Variants in AQP7B observed in about 807,000 individuals in gnomAD.
AQP7B encodes the protein aquaporin 7B, also known as putative aquaporin-7B.
chr2:94,597,892 A>G, the AQP7B span, among the ~76,000 whole-genome samples: 4 of 152,150 alleles, frequency 2.6e-5, no homozygotes, highest in Non-Finnish European at 4.4e-5. Context: ...GGCATGAGTC[A>G]CCGTGCCCAG....
the AQP7B span, among the ~76,000 whole-genome samples, chr2:94,599,462 G>T: frequency 1.3e-5 from 2 of 151,570 alleles, no homozygotes; most frequent in Admixed American, 6.6e-5. Context: ...TTTTAAATCA[G>T]CAAATGGCTT....
the AQP7B span, among the ~76,000 whole-genome samples, chr2:94,598,768 A>T: frequency 2.0e-5 from 3 of 152,160 alleles, no homozygotes; most frequent in Non-Finnish European, 4.4e-5. Flanking sequence ...TGACACAGGG[A>T]ATCATGTGGG....
At chr2:94,590,549 G>T in the AQP7B span, among the ~76,000 whole-genome samples, 1 of 152,102 alleles carries the variant, frequency 6.6e-6, no homozygotes, top group Non-Finnish European at 1.5e-5. Context: ...CTCGTGGTTA[G>T]TTGGATAGTT....
chr2:94,599,794 G>A, the AQP7B span, among the ~76,000 whole-genome samples: 1 of 152,066 alleles, frequency 6.6e-6, no homozygotes, highest in Non-Finnish European at 1.5e-5. Context: ...GCCCCTTCAC[G>A]GGATCATGTT....
chr2:94,600,876 CAAA>C, the AQP7B span, among the ~76,000 whole-genome samples: 187 of 84,602 alleles, frequency 2.2e-3, 1 homozygote, highest in African/African-American at 6.5e-3. Flanking sequence ...AAGACTGTCT[CAAA>C]AAAAAAAAAA....
At chr2:94,602,451 G>C in the AQP7B span, 1 of 1,579,662 alleles carries the variant, frequency 6.3e-7, no homozygotes, top group South Asian at 1.1e-5. Flanking sequence ...TGAGGTTGGG[G>C]CTTCTGGGCA....
the AQP7B span, chr2:94,602,905 T>C: frequency 1.8e-5 from 20 of 1,125,700 alleles, no homozygotes; most frequent in South Asian, 3.2e-4. Context: ...ACGGGGTGGT[T>C]GTGAGGGCTC....
chr2:94,602,741 G>A, the AQP7B span: 2 of 1,050,066 alleles, frequency 1.9e-6, no homozygotes, highest in South Asian at 3.1e-5. Flanking sequence ...CGGGCAGGAG[G>A]AAGTCTCCTC....
chr2:94,590,460 T>A, the AQP7B span, among the ~76,000 whole-genome samples: 1 of 152,140 alleles, frequency 6.6e-6, no homozygotes, highest in East Asian at 1.9e-4. Context: ...AGTGTTGGGA[T>A]TACAGGCATG....
the AQP7B span, among the ~76,000 whole-genome samples, chr2:94,597,724 C>A: frequency 6.6e-6 from 1 of 151,578 alleles, no homozygotes; most frequent in Non-Finnish European, 1.5e-5. Flanking sequence ...TGCATCTCAG[C>A]CTCTGGAGTA....
chr2:94,601,472 T>G, the AQP7B span, among the ~76,000 whole-genome samples: 1 of 152,214 alleles, frequency 6.6e-6, no homozygotes. Flanking sequence ...TAGCTGAAAC[T>G]GTCTACGTGG....
At chr2:94,601,664 C>G in the AQP7B span, among the ~76,000 whole-genome samples, 18 of 151,990 alleles carry the variant, frequency 1.2e-4, no homozygotes, top group African/African-American at 4.4e-4. Context: ...GAGGGGGCAA[C>G]CAGGAACCCA....
At chr2:94,589,995 G>A in the AQP7B span, among the ~76,000 whole-genome samples, 122 of 152,020 alleles carry the variant, frequency 8.0e-4, no homozygotes, top group African/African-American at 2.2e-3. Flanking sequence ...GCCACCACCC[G>A]CCCATTCTTC....
At chr2:94,593,083 A>G in the AQP7B span, among the ~76,000 whole-genome samples, 2 of 151,884 alleles carry the variant, frequency 1.3e-5, no homozygotes, top group African/African-American at 4.8e-5. Flanking sequence ...TCGCCTCGGC[A>G]AGTGCTGGGA....
the AQP7B span, among the ~76,000 whole-genome samples, chr2:94,592,204 C>T: frequency 6.6e-6 from 1 of 152,064 alleles, no homozygotes; most frequent in Non-Finnish European, 1.5e-5. Flanking sequence ...GGATGGGAGC[C>T]AGTGGAGGGT....
chr2:94,593,230 C>T, the AQP7B span, among the ~76,000 whole-genome samples: 17 of 151,752 alleles, frequency 1.1e-4, no homozygotes, highest in African/African-American at 2.2e-4. Context: ...GTAGGAGGCT[C>T]TCCCAGAGAA....
chr2:94,588,081 T>C, the AQP7B span, among the ~76,000 whole-genome samples: 3 of 152,008 alleles, frequency 2.0e-5, no homozygotes, highest in East Asian at 1.9e-4. Context: ...TGTGTGTGTG[T>C]GTGCATGTGT....
At chr2:94,587,548 G>A in the AQP7B span, among the ~76,000 whole-genome samples, 2 of 152,162 alleles carry the variant, frequency 1.3e-5, no homozygotes, top group African/African-American at 2.4e-5. Context: ...GGGAGTGGAA[G>A]TCCCGGCTTT....
the AQP7B span, among the ~76,000 whole-genome samples, chr2:94,595,241 C>T: frequency 6.6e-5 from 10 of 152,168 alleles, no homozygotes; most frequent in African/African-American, 1.9e-4. Flanking sequence ...TCGAAACCAG[C>T]CTGGCCAACA....
Sources: gnomAD v4.1 joint callset for allele counts (sites outside exome capture counted in the v4.1 genomes callset) on GRCh38, gnomAD v4.1.1 for gene constraint, MANE v1.5 for transcripts, NCBI Gene and HGNC (gene_info 2026-07-23, HGNC 2026-07-21) for gene names.